RBFOX1: variants seen among roughly 807,000 people sequenced by gnomAD.
The protein encoded by RBFOX1 is RNA binding protein fox-1 homolog 1.
In RBFOX1, 8 loss-of-function variants were observed where a neutral mutation model predicts 57.7. The observed-to-expected ratio is 0.14, with a 90% CI of 0.08 to 0.25. RBFOX1 has a LOEUF of 0.25. RBFOX1 is among the 10% of genes least tolerant of loss of function. The pLI is 1.00. For missense variants in RBFOX1, 611 were observed against 548.5 expected (o/e 1.11, Z -1.14); for synonymous variants, 326 against 222.4 (o/e 1.47, Z -4.15).
At chr16:6,858,695 A>G (rs1423335948) in intron 3 of RBFOX1, among the ~76,000 whole-genome samples, 1 of 152,172 alleles carries the variant, frequency 6.6e-6, no homozygotes, top group Non-Finnish European at 1.5e-5. Context: ...ATGGAATTAC[A>G]TATCAGAATA....
At chr16:7,490,341 A>G (rs8056628) in intron 4 of RBFOX1, among the ~76,000 whole-genome samples, 3,947 of 152,284 alleles carry the variant, frequency 0.026, 171 homozygotes, top group African/African-American at 0.091. Context: ...GCTCAGCTCT[A>G]TCAGGGCTCT....
intron 2 of RBFOX1, among the ~76,000 whole-genome samples, chr16:5,508,448 G>A (rs553564862): frequency 3.3e-5 from 5 of 152,312 alleles, no homozygotes; most frequent in African/African-American, 9.6e-5. Context: ...CTTCCTGTGG[G>A]CATGAATAGA....
chr16:7,516,694 G>C (rs1357134990), intron 4 of RBFOX1, among the ~76,000 whole-genome samples: 2 of 152,238 alleles, frequency 1.3e-5, no homozygotes, highest in African/African-American at 4.8e-5. Context: ...GAGGAGGGAA[G>C]AGCCTGATGG....
chr16:5,483,857 C>A (rs1044957516), intron 2 of RBFOX1, among the ~76,000 whole-genome samples: 1 of 152,166 alleles, frequency 6.6e-6, no homozygotes, highest in African/African-American at 2.4e-5. Flanking sequence ...CCTCAAGAAT[C>A]TCTCACAGGC....
chr16:5,745,213 A>G (rs1240981467), intron 3 of RBFOX1, among the ~76,000 whole-genome samples: 1 of 151,954 alleles, frequency 6.6e-6, no homozygotes, highest in Non-Finnish European at 1.5e-5. Context: ...GTCCTTTGCG[A>G]TAGTTTGCTG....
chr16:7,306,935 T>G (rs2142317857), intron 4 of RBFOX1, among the ~76,000 whole-genome samples: 1 of 152,348 alleles, frequency 6.6e-6, no homozygotes, highest in Non-Finnish European at 1.5e-5. Context: ...TCTGTAGCTA[T>G]TATTGGATCT....
chr16:5,636,284 G>A (rs916712793), intron 3 of RBFOX1, among the ~76,000 whole-genome samples: 5 of 152,214 alleles, frequency 3.3e-5, no homozygotes, highest in African/African-American at 1.2e-4. Context: ...GGAGGTGGAA[G>A]TTGCAGTGAG....
intron 11 of RBFOX1, among the ~76,000 whole-genome samples, chr16:7,647,660 G>A (rs1383314689): frequency 6.6e-6 from 1 of 152,134 alleles, no homozygotes; most frequent in African/African-American, 2.4e-5. Flanking sequence ...ACAAATACTG[G>A]ATAGGGTGAT....
Position 6,817,425 on chromosome 16 carries a change from G to T in RBFOX1, c.-16+162775G>T, listed in dbSNP as rs139862896. On this transcript the variant is annotated intron_variant, in intron 3 of 15. Coordinates refer to ENST00000550418, the MANE Select transcript of RBFOX1 (RefSeq NM_018723.4). ...AAATTAACTTTTAGCTGGACGCAGT[G>T]GCTCATGCCTGTAATCCCAACGCTT... Among the ~76,000 whole-genome samples the T allele has an allele frequency of 5.9e-5, 9 of 151,868 alleles. No individual in the cohort carries two copies. In the East Asian group the frequency reaches 1.7e-3, roughly 30 times the overall value.
intron 1 of RBFOX1, among the ~76,000 whole-genome samples, chr16:5,258,174 G>T (rs182900955): frequency 2.3e-4 from 35 of 152,230 alleles, no homozygotes; most frequent in Admixed American, 7.2e-4. Context: ...GAGCTGCTGT[G>T]CCTGGCCAAG....
intron 3 of RBFOX1, among the ~76,000 whole-genome samples, chr16:6,744,987 T>A (rs2073228963): frequency 6.6e-6 from 1 of 151,948 alleles, no homozygotes; most frequent in Admixed American, 6.6e-5. Context: ...AATATCAGTA[T>A]AGAAAGAGGA....
At chr16:7,218,628 C>CTGTGTGTGTGTGTGTGTGTG (rs60333818) in intron 4 of RBFOX1, among the ~76,000 whole-genome samples, 2 of 127,490 alleles carry the variant, frequency 1.6e-5, no homozygotes, top group African/African-American at 3.6e-5. Flanking sequence ...TGGGGGTTTG[C>CTGTGTGTGTGTGTGTGTGTG]TGTGTGTGTG....
chr16:7,447,624 G>A (rs935249755), intron 4 of RBFOX1, among the ~76,000 whole-genome samples: 8 of 152,096 alleles, frequency 5.3e-5, no homozygotes, highest in African/African-American at 1.9e-4. Flanking sequence ...TTATAAAGTG[G>A]TCAAGAGCTG....
intron 1 of RBFOX1, among the ~76,000 whole-genome samples, chr16:6,023,332 T>G (rs2095122192): frequency 6.6e-6 from 1 of 152,070 alleles, no homozygotes. Context: ...CTAGACATCC[T>G]CATGTCTCTG....
At chr16:6,831,162 C>T (rs1186509919) in intron 3 of RBFOX1, among the ~76,000 whole-genome samples, 1 of 152,150 alleles carries the variant, frequency 6.6e-6, no homozygotes, top group Non-Finnish European at 1.5e-5. Flanking sequence ...ATTATAATTT[C>T]ATTAGCATAT....
chr16:7,382,141 C>T (rs2147996557), intron 4 of RBFOX1, among the ~76,000 whole-genome samples: 1 of 152,226 alleles, frequency 6.6e-6, no homozygotes, highest in South Asian at 2.1e-4. Flanking sequence ...GGACTAATTA[C>T]CTCTTTTTTA....
At chr16:6,863,927 TTG>T in intron 3 of RBFOX1, among the ~76,000 whole-genome samples, 2 of 151,796 alleles carry the variant, frequency 1.3e-5, no homozygotes, top group South Asian at 4.2e-4. Flanking sequence ...CCTTCACACT[TTG>T]TGCTCCCTCC....
chr16:5,595,936 AG>A (rs2151195030), intron 2 of RBFOX1, among the ~76,000 whole-genome samples: 1 of 152,300 alleles, frequency 6.6e-6, no homozygotes, highest in South Asian at 2.1e-4. Flanking sequence ...GGGCAGAAAA[AG>A]TCTCTTGAGA....
At chr16:6,276,786 G>A (rs1567831818) in intron 1 of RBFOX1, among the ~76,000 whole-genome samples, 1 of 150,384 alleles carries the variant, frequency 6.6e-6, no homozygotes, top group African/African-American at 2.4e-5. Context: ...TTCCCCACGT[G>A]TATTACAGTC....
Sources: gnomAD v4.1 joint callset for allele counts (sites outside exome capture counted in the v4.1 genomes callset) on GRCh38, gnomAD v4.1.1 for gene constraint, MANE v1.5 for transcripts, NCBI Gene and HGNC (gene_info 2026-07-23, HGNC 2026-07-21) for gene names.